ZNF680: variants seen among roughly 807,000 people sequenced by gnomAD.
ZNF680 encodes hypothetical protein FLJ90430.
Under a neutral mutation model 12.1 loss-of-function variants are expected in ZNF680, and 6 were observed. The observed-to-expected ratio is 0.49, with a 90% CI of 0.27 to 0.98. The LOEUF (loss-of-function observed/expected upper bound fraction) is 0.98, where lower values mean the gene tolerates loss of function less well. Ranked by LOEUF, ZNF680 falls within the 50% of genes least tolerant of loss-of-function variation. ZNF680 has a pLI of 0.12. For missense variants in ZNF680, 561 were observed against 616.3 expected (o/e 0.91, Z 0.95); for synonymous variants, 170 against 199.3 (o/e 0.85, Z 1.24).
intron 3 of ZNF680, among the ~76,000 whole-genome samples, chr7:64,531,794 T>C (rs548030587): frequency 6.6e-6 from 1 of 152,178 alleles, no homozygotes; most frequent in South Asian, 2.1e-4. Context: ...GCAAAGGTAG[T>C]GCTAAGAGGA....
At chr7:64,555,364 A>G (rs1434765310) in intron 1 of ZNF680, among the ~76,000 whole-genome samples, 1 of 152,000 alleles carries the variant, frequency 6.6e-6, no homozygotes, top group African/African-American at 2.4e-5. Flanking sequence ...AAACACTTGA[A>G]GTGATACAAA....
At chr7:64,558,722 AG>A (rs756063031) in intron 1 of ZNF680, among the ~76,000 whole-genome samples, 114 of 152,222 alleles carry the variant, frequency 7.5e-4, no homozygotes, top group Non-Finnish European at 1.2e-3. Flanking sequence ...TGAATTCCAA[AG>A]GAGGAAGCAC....
chr7:64,521,046 C>T lies in ZNF680; in HGVS notation c.*115G>A, dbSNP rs1218089262. On this transcript the variant is annotated 3_prime_UTR_variant, in exon 4 of 4. Transcript: ENST00000309683. ...TTCTTTACACTTATAAAGTTTTCTC[C>T]AATATAAATTATCTTACCTACAAGC... The T allele has an allele frequency of 8.5e-6, 10 of 1,170,250 alleles. No individual in the cohort carries two copies. The highest frequency in any genetic ancestry group is 3.1e-5 in the African/African-American group (2 of 64,674). 72.5% of individuals were successfully genotyped at this position (1,170,250 alleles called of 1,614,324 possible).
In ZNF680 at chr7:64,535,071, G is replaced by A. The variant is rs77015406; in HGVS notation, c.253+8636C>T. 7.2e-3 allele frequency among the ~76,000 whole-genome samples: 1,092 copies of A among 152,106 alleles called. 12 individuals are homozygous for A. Among genetic ancestry groups the A allele is most frequent in the African/African-American group, 0.025 (1,038 of 41,472 alleles). On this transcript the variant is annotated intron_variant, in intron 3 of 3. Transcript: ENST00000309683. ...ATAGGGTGTAGTGAATACTGCTTACGTGATGAGTGCACCAAAATCTAAAAA... is the reference window on the plus strand; with the variant it reads ...ATAGGGTGTAGTGAATACTGCTTACATGATGAGTGCACCAAAATCTAAAAA...
At chr7:64,525,720 A>G (rs1055912074) in intron 3 of ZNF680, 1 of 848,262 alleles carries the variant, frequency 1.2e-6, no homozygotes, top group African/African-American at 1.8e-5. Flanking sequence ...AAAAGAGATT[A>G]TGATCGTTTG....
chr7:64,511,014 G>T, the ZNF680 span, among the ~76,000 whole-genome samples: 1 of 151,162 alleles, frequency 6.6e-6, no homozygotes, highest in Non-Finnish European at 1.5e-5. Context: ...GCTCATGCCT[G>T]TAATCCCAGC....
chr7:64,553,460 T>C (rs574769227), intron 1 of ZNF680, among the ~76,000 whole-genome samples: 167 of 152,338 alleles, frequency 1.1e-3, no homozygotes, highest in African/African-American at 3.7e-3. Flanking sequence ...AGACATGCTC[T>C]TGAAGTCTTG....
chr7:64,554,583 C>T (rs1787300692), intron 1 of ZNF680, among the ~76,000 whole-genome samples: 1 of 152,144 alleles, frequency 6.6e-6, no homozygotes, highest in African/African-American at 2.4e-5. Context: ...AAAGAGAGAT[C>T]GGATTGTTTC....
chr7:64,519,044 T>A (rs1352109205), downstream of ZNF680, among the ~76,000 whole-genome samples: 3 of 151,846 alleles, frequency 2.0e-5, no homozygotes, highest in African/African-American at 4.8e-5. Flanking sequence ...ATCAGCAGAG[T>A]TAACAGACAA....
intron 3 of ZNF680, among the ~76,000 whole-genome samples, chr7:64,536,944 T>C (rs2116454983): frequency 6.6e-6 from 1 of 152,144 alleles, no homozygotes; most frequent in Admixed American, 6.5e-5. Flanking sequence ...ATAGTGCATG[T>C]CTGTAGTTTC....
At chr7:64,537,983 G>A (rs7777673) in intron 3 of ZNF680, among the ~76,000 whole-genome samples, 1 of 151,762 alleles carries the variant, frequency 6.6e-6, no homozygotes, top group Non-Finnish European at 1.5e-5. Context: ...AGAAAAGAAC[G>A]CTTTTGTGTA....
chr7:64,507,216 G>A, the ZNF680 span, among the ~76,000 whole-genome samples: 7 of 152,080 alleles, frequency 4.6e-5, no homozygotes, highest in African/African-American at 9.7e-5. Context: ...ATAATCTCGT[G>A]TATATGTAGA....
Position 64,522,334 on chromosome 7 carries a change from A to G in ZNF680, c.420T>C (p.Asn140=), listed in dbSNP as rs1206033679. Residue 140 remains asparagine (N), a synonymous_variant, in exon 4 of 4, where the codon AAT becomes AAC. Transcript: ENST00000309683. ...DESKVFKEGY[N]ELNQCLRTTQ... is the part of the protein sequence containing the mutation. Reference sequence around the variant, plus strand: ...TAGTTCTCAAACATTGGTTAAGTTCATTATAACCTTCTTTGAACACCTTAG... The same window carrying G: ...TAGTTCTCAAACATTGGTTAAGTTCGTTATAACCTTCTTTGAACACCTTAG... The G allele has an allele frequency of 1.9e-6, 3 of 1,613,054 alleles. No individual in the cohort carries two copies. The highest frequency in any genetic ancestry group is 2.5e-6 in the Non-Finnish European group (3 of 1,179,482).
At chr7:64,543,591 A>C (rs1786620498) in intron 3 of ZNF680, 116 bp downstream of exon 3, 1 of 875,958 alleles carries the variant, frequency 1.1e-6, no homozygotes, top group Non-Finnish European at 1.8e-6. Flanking sequence ...AGCTTCCCAA[A>C]AACTATTTTC....
chr7:64,513,767 TC>T, the ZNF680 span, among the ~76,000 whole-genome samples: 7 of 152,060 alleles, frequency 4.6e-5, no homozygotes, highest in Non-Finnish European at 1.0e-4. Flanking sequence ...TGCCTCAGCC[TC>T]CTGGGTAGCT....
chr7:64,500,162 T>A, the ZNF680 span, among the ~76,000 whole-genome samples: 2 of 152,216 alleles, frequency 1.3e-5, no homozygotes, highest in East Asian at 3.9e-4. Context: ...ACCCTTCGTG[T>A]TTCTCTTCTC....
the ZNF680 span, among the ~76,000 whole-genome samples, chr7:64,503,987 G>A: frequency 2.0e-5 from 3 of 152,270 alleles, no homozygotes; most frequent in East Asian, 3.9e-4. Context: ...ATAATAAAGT[G>A]CTTGTGGTAA....
chr7:64,511,549 C>T, the ZNF680 span, among the ~76,000 whole-genome samples: 1 of 151,872 alleles, frequency 6.6e-6, no homozygotes, highest in African/African-American at 2.4e-5. Context: ...CCTCAAATAT[C>T]AAGCTTTGCT....
chr7:64,547,949 A>C (rs1227048548), intron 1 of ZNF680, among the ~76,000 whole-genome samples: 4 of 152,180 alleles, frequency 2.6e-5, no homozygotes, highest in Admixed American at 2.6e-4. Context: ...AATTTCTTCT[A>C]ATCAGTTTGG....
Sources: gnomAD v4.1 joint callset for allele counts (sites outside exome capture counted in the v4.1 genomes callset) on GRCh38, gnomAD v4.1.1 for gene constraint, MANE v1.5 for transcripts, NCBI Gene and HGNC (gene_info 2026-07-23, HGNC 2026-07-21) for gene names.